Variants in IDH3A observed in about 807,000 individuals in gnomAD.
The protein encoded by IDH3A is isocitrate dehydrogenase (NAD(+)) 3 catalytic subunit alpha, also known as isocitrate dehydrogenase [NAD] subunit alpha, mitochondrial.
IDH3A carries 23 observed loss-of-function variants against 43.3 expected under a neutral mutation model. The ratio of observed to expected loss-of-function variants is 0.53; its 90% CI spans 0.38 to 0.75. The LOEUF is 0.75. Ranked by LOEUF, IDH3A falls within the 30% of genes least tolerant of loss-of-function variation. The pLI, the probability that IDH3A is intolerant of heterozygous loss-of-function variation, is 0.00. For synonymous variants in IDH3A, 154 were observed against 163.5 expected (o/e 0.94, Z 0.44); for missense variants, 329 against 474.4 (o/e 0.69, Z 2.85).
chr15:78,168,340 T>A (rs1280339656), intron 10 of IDH3A: 1 of 151,968 alleles, frequency 6.6e-6, no homozygotes, highest in Non-Finnish European at 1.5e-5. Flanking sequence ...GATACAAAAA[T>A]TAGTTGGGTA....
chr15:78,151,002 T>G lies in IDH3A; in HGVS notation c.27+1572T>G, dbSNP rs898577985. ...TCACAGTGAGGCACTAAAGCAACAC[T>G]TGATAATGATTGTGCTGGTAAATCT... On this transcript the variant is annotated intron_variant, in intron 1 of 10. Coordinates refer to ENST00000299518, the MANE Select transcript of IDH3A (RefSeq NM_005530.3). 2.6e-5 allele frequency: 4 copies of G among 152,234 alleles called. No homozygotes were observed. In the East Asian group the frequency reaches 7.7e-4, roughly 29 times the overall value. 9.4% of individuals were successfully genotyped at this position (152,234 alleles called of 1,614,324 possible).
chr15:78,158,335 T>C (rs1311313646), intron 3 of IDH3A, among the ~76,000 whole-genome samples: 1 of 151,230 alleles, frequency 6.6e-6, no homozygotes, highest in Non-Finnish European at 1.5e-5. Context: ...GCTCGTGTCC[T>C]AGGACATGTT....
chr15:78,155,077 G>T (rs2074612986), intron 1 of IDH3A, 136 bp from the exon 2 acceptor site: 1 of 530,836 alleles, frequency 1.9e-6, no homozygotes, highest in East Asian at 3.0e-5. Flanking sequence ...TAATACATGA[G>T]ATTTGTATTC....
At chr15:78,166,385 A>G (rs2074743076) in intron 10 of IDH3A, 83 bp downstream of exon 10, 1 of 1,407,102 alleles carries the variant, frequency 7.1e-7, no homozygotes, top group East Asian at 2.3e-5. Context: ...ACAGTGACAG[A>G]TAATAGTTCT....
chr15:78,165,223 G>A (rs1466150294), intron 9 of IDH3A, 147 bp downstream of exon 9: 3 of 610,658 alleles, frequency 4.9e-6, no homozygotes, highest in Non-Finnish European at 8.7e-6. Flanking sequence ...ACGGAGTCTC[G>A]CTCTGTCACC....
Position 78,171,601 on chromosome 15 carries a change from T to C in IDH3A, c.*2596T>C. 8.1e-7 allele frequency: 1 copy of C among 1,238,250 alleles called. No individual in the cohort carries two copies. Among genetic ancestry groups the C allele is most frequent in the Non-Finnish European group, 1.2e-6 (1 of 843,346 alleles). The allele number at this position is 1,238,250 out of a possible 1,614,324, so 76.7% of individuals were successfully genotyped here. A position where few individuals can be genotyped will look rare whatever the true frequency, so the allele number is the denominator to read the frequency against. On this transcript the variant is annotated 3_prime_UTR_variant, in exon 11 of 11. Coordinates refer to ENST00000299518, the MANE Select transcript of IDH3A (RefSeq NM_005530.3). Reference sequence around the variant, plus strand: ...CTCTGAGAATGTGTGTGGTAAAGACTCACACTCAGTCCTATATATAACTCA... The same window carrying C: ...CTCTGAGAATGTGTGTGGTAAAGACCCACACTCAGTCCTATATATAACTCA...
chr15:78,165,903 G>A (rs569364742), intron 9 of IDH3A, among the ~76,000 whole-genome samples: 1 of 152,200 alleles, frequency 6.6e-6, no homozygotes, highest in Non-Finnish European at 1.5e-5. Flanking sequence ...TGCCCAGGCT[G>A]GTCTTGAACT....
chr15:78,162,569 G>A (rs1322335228), intron 6 of IDH3A, among the ~76,000 whole-genome samples: 5 of 143,130 alleles, frequency 3.5e-5, no homozygotes, highest in African/African-American at 5.2e-5. Context: ...TTTTTGAGAC[G>A]GAGTCTCTTT....
chr15:78,162,384 G>A lies in IDH3A; in HGVS notation c.611+17G>A. ...CAACATCATGTGAGCTCCTTGCGGGGGCCGGCACCCCATCTTGCTTTGTTG... is the reference window on the plus strand; with the variant it reads ...CAACATCATGTGAGCTCCTTGCGGGAGCCGGCACCCCATCTTGCTTTGTTG... On this transcript the variant is annotated intron_variant, in intron 6 of 10. Coordinates refer to ENST00000299518, the MANE Select transcript of IDH3A (RefSeq NM_005530.3). 1.2e-6 allele frequency: 2 copies of A among 1,611,704 alleles called. No homozygotes were observed. The highest frequency in any genetic ancestry group is 1.1e-5 in the South Asian group (1 of 90,990).
intron 2 of IDH3A, 147 bp from the exon 3 acceptor site, chr15:78,157,401 C>A (rs2074632235): frequency 3.1e-6 from 2 of 649,828 alleles, no homozygotes; most frequent in Non-Finnish European, 5.1e-6. Context: ...CCTTTGATGA[C>A]CCCCGGGGAG....
At position 78,166,420 on chromosome 15, in the gene IDH3A, T is replaced by C. The variant is rs1457129409; in HGVS notation, c.1017+118T>C. The C allele has an allele frequency of 6.9e-6, 7 of 1,013,570 alleles. No individual in the cohort carries two copies. The Admixed American group carries it at 7.2e-5, about 10-fold the overall frequency. 62.8% of individuals were successfully genotyped at this position (1,013,570 alleles called of 1,614,324 possible). ...TCAGGCGGGCCCAAGCATTTGATGT[T>C]GAACAAGGATTCTTAACGTGGGTCC... On this transcript the variant is annotated intron_variant, in intron 10 of 10. Coordinates refer to ENST00000299518, the MANE Select transcript of IDH3A (RefSeq NM_005530.3).
At chr15:78,165,205 T>TC in intron 9 of IDH3A, 129 bp downstream of exon 9, 1 of 670,612 alleles carries the variant, frequency 1.5e-6, no homozygotes, top group Non-Finnish European at 2.6e-6. Context: ...CTTTTTTTTT[T>TC]TCTCGAGACG....
rs2141308515 is a variant in IDH3A at position 78,169,161 on chromosome 15, A to G, written c.*156A>G. ...TTAACAAAATCTGTGCAAAAGATGC[A>G]GGTGGATGTCCCTAGGTCTGTTTTC... On this transcript the variant is annotated 3_prime_UTR_variant, in exon 11 of 11. Transcript: ENST00000299518. 1 of 472,806 alleles carries G rather than the reference A, an allele frequency of 2.1e-6. No individual in the cohort carries two copies. Among genetic ancestry groups the G allele is most frequent in the Admixed American group, 3.7e-5 (1 of 26,730 alleles). 29.3% of individuals were successfully genotyped at this position (472,806 alleles called of 1,614,324 possible).
At chr15:78,160,568 T>C (rs1023717266) in intron 4 of IDH3A, among the ~76,000 whole-genome samples, 1 of 152,144 alleles carries the variant, frequency 6.6e-6, no homozygotes, top group South Asian at 2.1e-4. Flanking sequence ...CACAGCTCAC[T>C]GCAGCCTTGA....
chr15:78,149,396 G>A lies in IDH3A; in HGVS notation c.-8G>A, dbSNP rs1163511756. ...GCGGCTGTTGCTGCGGAGCCAGGAGGGGAAGCGATGGCTGGGCCCGCGTGG... is the reference window on the plus strand; with the variant it reads ...GCGGCTGTTGCTGCGGAGCCAGGAGAGGAAGCGATGGCTGGGCCCGCGTGG... On this transcript the variant is annotated 5_prime_UTR_variant, in exon 1 of 11. Transcript: ENST00000299518. 1.9e-6 allele frequency: 3 copies of A among 1,548,040 alleles called. No homozygotes were observed. Among genetic ancestry groups the A allele is most frequent in the Non-Finnish European group, 2.6e-6 (3 of 1,154,466 alleles).
chr15:78,166,371 AG>A, intron 10 of IDH3A, 69 bp downstream of exon 10: 1 of 1,483,260 alleles, frequency 6.7e-7, no homozygotes, highest in African/African-American at 1.4e-5. Flanking sequence ...TCTGAGTGAA[AG>A]GGACAGTGAC....
chr15:78,165,180 C>A, intron 9 of IDH3A, 104 bp downstream of exon 9: 8 of 724,842 alleles, frequency 1.1e-5, no homozygotes, highest in South Asian at 1.6e-5. Flanking sequence ...TTCAAATTGT[C>A]AAAACAAAAT....
chr15:78,167,490 C>T (rs1291389114), intron 10 of IDH3A: 4 of 152,136 alleles, frequency 2.6e-5, no homozygotes, highest in African/African-American at 4.8e-5. Flanking sequence ...TCCTTTTTAA[C>T]AAAAATTGTG....
At chr15:78,152,640 G>A (rs1301008158) in intron 1 of IDH3A, among the ~76,000 whole-genome samples, 4 of 152,170 alleles carry the variant, frequency 2.6e-5, no homozygotes, top group Non-Finnish European at 5.9e-5. Flanking sequence ...GATTACAGGC[G>A]TGAGCCACCG....
Sources: gnomAD v4.1 joint callset for allele counts (sites outside exome capture counted in the v4.1 genomes callset) on GRCh38, gnomAD v4.1.1 for gene constraint, MANE v1.5 for transcripts, NCBI Gene and HGNC (gene_info 2026-07-23, HGNC 2026-07-21) for gene names.